Variants in KCNIP4 observed in about 807,000 individuals in gnomAD.
The protein encoded by KCNIP4 is Kv channel-interacting protein 4.
KCNIP4 carries 12 observed loss-of-function variants against 34.0 expected under a neutral mutation model. The ratio of observed to expected loss-of-function variants is 0.35; its 90% CI spans 0.23 to 0.57. The LOEUF (loss-of-function observed/expected upper bound fraction) is 0.57. KCNIP4 is among the 20% of genes least tolerant of loss of function. KCNIP4 has a pLI of 0.83. For synonymous variants in KCNIP4, 124 were observed against 102.2 expected, an observed-to-expected ratio of 1.21 and a Z score of -1.29; for missense variants, 238 against 311.7, an observed-to-expected ratio of 0.76 and a Z score of 1.78.
intron 1 of KCNIP4, among the ~76,000 whole-genome samples, chr4:21,410,365 C>T (rs1387043170): frequency 1.3e-5 from 2 of 152,144 alleles, no homozygotes; most frequent in African/African-American, 2.4e-5. Flanking sequence ...TTTGGAACCA[C>T]AGAATGTGGC....
At chr4:21,284,855 G>T (rs1328696153) in intron 1 of KCNIP4, among the ~76,000 whole-genome samples, 1 of 151,934 alleles carries the variant, frequency 6.6e-6, no homozygotes, top group Non-Finnish European at 1.5e-5. Context: ...CACTTCTGGG[G>T]GATGAACACA....
At chr4:21,810,445 C>T (rs1451522142) in intron 1 of KCNIP4, among the ~76,000 whole-genome samples, 4 of 151,990 alleles carry the variant, frequency 2.6e-5, no homozygotes, top group Non-Finnish European at 4.4e-5. Context: ...AATCCCAGCA[C>T]ATTGGGAGGC....
chr4:20,870,552 C>G (rs1723338783), intron 2 of KCNIP4, among the ~76,000 whole-genome samples: 2 of 152,038 alleles, frequency 1.3e-5, no homozygotes, highest in Admixed American at 1.3e-4. Context: ...TTGAAAAAAT[C>G]TTTGTCCCCT....
Position 21,618,432 on chromosome 4 carries a change from G to C in KCNIP4, c.61+330139C>G, listed in dbSNP as rs529743127. Among the ~76,000 whole-genome samples, 10 of 152,066 alleles carry C rather than the reference G, an allele frequency of 6.6e-5. No individual in the cohort carries two copies. The East Asian group carries it at 1.9e-3, about 29-fold the overall frequency. ...TGAAAATTTAGGAACCATTGATGTA[G>C]CAGATAAGCAAAATAGACAAAGTAA... On this transcript the variant is annotated intron_variant, in intron 1 of 8. Coordinates refer to ENST00000382152, the MANE Select transcript of KCNIP4 (RefSeq NM_025221.6).
intron 1 of KCNIP4, among the ~76,000 whole-genome samples, chr4:21,324,994 A>G (rs966864303): frequency 1.3e-5 from 2 of 151,632 alleles, no homozygotes; most frequent in Non-Finnish European, 3.0e-5. Flanking sequence ...ATTCCTAGGT[A>G]TTTGATTTTA....
chr4:21,885,952 C>T (rs1164423974), intron 1 of KCNIP4, among the ~76,000 whole-genome samples: 5 of 152,052 alleles, frequency 3.3e-5, no homozygotes, highest in African/African-American at 9.7e-5. Context: ...TCTTCTATTA[C>T]GCCTGCAGTT....
At chr4:21,023,761 A>T (rs1442526757) in intron 1 of KCNIP4, among the ~76,000 whole-genome samples, 2 of 152,130 alleles carry the variant, frequency 1.3e-5, no homozygotes, top group African/African-American at 4.8e-5. Context: ...GCACGCCTGT[A>T]GGTCTAGCTA....
In KCNIP4 at chr4:21,261,151, G is replaced by C. The variant is rs1761443397; in HGVS notation, c.62-378442C>G. Among the ~76,000 whole-genome samples the C allele has an allele frequency of 3.3e-5, 5 of 152,126 alleles. No individual in the cohort carries two copies. The South Asian group carries it at 1.0e-3, about 32-fold the overall frequency. On this transcript the variant is annotated intron_variant, in intron 1 of 8. Coordinates refer to ENST00000382152, the MANE Select transcript of KCNIP4 (RefSeq NM_025221.6). ...GCTATTCTATTTCCATAGAAGGCTT[G>C]ATTATAAAATCACACAGTATAGAAA...
chr4:21,124,916 G>A (rs1020620467), intron 1 of KCNIP4, among the ~76,000 whole-genome samples: 11 of 151,942 alleles, frequency 7.2e-5, no homozygotes, highest in African/African-American at 2.4e-4. Flanking sequence ...AAAAGGAACC[G>A]AAGTGGGACT....
chr4:21,085,731 G>A (rs1017287349), intron 1 of KCNIP4, among the ~76,000 whole-genome samples: 1 of 152,164 alleles, frequency 6.6e-6, no homozygotes, highest in African/African-American at 2.4e-5. Context: ...GAAAAGCATA[G>A]AGACTGATAC....
chr4:21,141,866 C>CA (rs202219269), intron 1 of KCNIP4, among the ~76,000 whole-genome samples: 134 of 147,136 alleles, frequency 9.1e-4, no homozygotes, highest in Middle Eastern at 3.5e-3. Flanking sequence ...AAAATAACAA[C>CA]AAAAAAAAAA....
intron 1 of KCNIP4, among the ~76,000 whole-genome samples, chr4:21,052,394 G>A (rs1450732742): frequency 2.0e-5 from 3 of 152,010 alleles, no homozygotes; most frequent in Non-Finnish European, 4.4e-5. Context: ...GAATTTTCCT[G>A]GAGTTAGACT....
chr4:21,733,844 T>C (rs1715791064), intron 1 of KCNIP4, among the ~76,000 whole-genome samples: 1 of 152,190 alleles, frequency 6.6e-6, no homozygotes, highest in African/African-American at 2.4e-5. Flanking sequence ...AATAATTCCT[T>C]ATTCAGAAAG....
intron 1 of KCNIP4, among the ~76,000 whole-genome samples, chr4:21,172,153 G>A (rs537612282): frequency 9.2e-5 from 14 of 152,090 alleles, no homozygotes; most frequent in East Asian, 1.9e-4. Context: ...TCAGCCTCCC[G>A]AGTAGCTGGG....
chr4:21,246,019 TA>T (rs530633064), intron 1 of KCNIP4, among the ~76,000 whole-genome samples: 2 of 152,202 alleles, frequency 1.3e-5, no homozygotes, highest in South Asian at 2.1e-4. Flanking sequence ...AAGCATCCTA[TA>T]AAAAAAGGAG....
intron 1 of KCNIP4, among the ~76,000 whole-genome samples, chr4:21,375,017 A>C (rs897736570): frequency 6.8e-6 from 1 of 147,722 alleles, no homozygotes; most frequent in Non-Finnish European, 1.5e-5. Context: ...GAAGTGGTAG[A>C]GAATTCGGAG....
At chr4:21,224,588 T>G (rs1560189103) in intron 1 of KCNIP4, among the ~76,000 whole-genome samples, 1 of 133,888 alleles carries the variant, frequency 7.5e-6, no homozygotes, top group Non-Finnish European at 1.6e-5. Flanking sequence ...GTTTTTTTTT[T>G]TTTTTTTTTT....
At chr4:21,710,469 T>G (rs1226291998) in intron 1 of KCNIP4, among the ~76,000 whole-genome samples, 1 of 152,194 alleles carries the variant, frequency 6.6e-6, no homozygotes, top group Non-Finnish European at 1.5e-5. Flanking sequence ...CTGCGTACTG[T>G]AACCGAAAAC....
At chr4:21,142,589 TG>T (rs935956526) in intron 1 of KCNIP4, among the ~76,000 whole-genome samples, 63 of 152,258 alleles carry the variant, frequency 4.1e-4, no homozygotes, top group Admixed American at 3.5e-3. Flanking sequence ...AGCTCCTGGA[TG>T]TGTGAGCTGT....
Sources: gnomAD v4.1 joint callset for allele counts (sites outside exome capture counted in the v4.1 genomes callset) on GRCh38, gnomAD v4.1.1 for gene constraint, MANE v1.5 for transcripts, NCBI Gene and HGNC (gene_info 2026-07-23, HGNC 2026-07-21) for gene names.